DMXL1: variants seen among roughly 807,000 people sequenced by gnomAD.
DMXL1 encodes dmX-like protein 1.
A neutral mutation model predicts 319.2 loss-of-function variants in DMXL1; 99 were observed. The observed-to-expected ratio is 0.31, with a 90% CI of 0.26 to 0.37. The LOEUF (loss-of-function observed/expected upper bound fraction) is 0.37. DMXL1 is among the 10% of genes least tolerant of loss of function. DMXL1 has a pLI of 1.00. For missense variants in DMXL1, 3,745 were observed against 3,595.6 expected (o/e 1.04, Z -1.06); for synonymous variants, 1,385 against 1,235.2 (o/e 1.12, Z -2.54).
At chr5:119,093,473 G>T (rs1755251394) in intron 1 of DMXL1, among the ~76,000 whole-genome samples, 2 of 152,120 alleles carry the variant, frequency 1.3e-5, no homozygotes, top group African/African-American at 4.8e-5. Flanking sequence ...ATGATGATCA[G>T]TGATCTTTGT....
At chr5:119,137,202 T>G (rs550287670) in intron 13 of DMXL1, among the ~76,000 whole-genome samples, 54 of 152,352 alleles carry the variant, frequency 3.5e-4, no homozygotes, top group African/African-American at 1.3e-3. Flanking sequence ...ATTTAATGAC[T>G]GCCTGGCCAG....
chr5:119,090,094 C>T (rs959761503), intron 1 of DMXL1, among the ~76,000 whole-genome samples: 19 of 124,602 alleles, frequency 1.5e-4, no homozygotes, highest in African/African-American at 5.6e-4. Flanking sequence ...GATCTCGGCT[C>T]ACTGCAACCT....
At chr5:119,165,902 TATCAGGTAACTAA>T (rs1773341751) in intron 21 of DMXL1, among the ~76,000 whole-genome samples, 1 of 152,154 alleles carries the variant, frequency 6.6e-6, no homozygotes, top group South Asian at 2.1e-4. Context: ...AGCCAAACCA[TATCAGGTAACTAA>T]ACCAGAAACT....
At chr5:119,208,208 G>A (rs1400207766) in intron 34 of DMXL1, among the ~76,000 whole-genome samples, 4 of 149,892 alleles carry the variant, frequency 2.7e-5, no homozygotes. Context: ...ACATTATCAG[G>A]AATTTTTTTT....
chr5:119,206,733 G>A (rs550959407), intron 33 of DMXL1, 101 bp from the exon 34 acceptor site: 46 of 654,096 alleles, frequency 7.0e-5, no homozygotes, highest in Middle Eastern at 8.0e-4. Flanking sequence ...TTCTTTTCTA[G>A]TAAATTTGGT....
chr5:119,233,781 T>C (rs1340035989), intron 39 of DMXL1, among the ~76,000 whole-genome samples: 1 of 152,154 alleles, frequency 6.6e-6, no homozygotes, highest in East Asian at 1.9e-4. Context: ...CAGTGTGTGA[T>C]CCAGCAGCAA....
chr5:119,196,560 T>C (rs1779677395), intron 31 of DMXL1, 104 bp downstream of exon 31: 2 of 764,000 alleles, frequency 2.6e-6, no homozygotes, highest in Non-Finnish European at 4.4e-6. Flanking sequence ...GAAAATTTAG[T>C]GATTTCCTGT....
intron 31 of DMXL1, 126 bp from the exon 32 acceptor site, chr5:119,197,629 A>T: frequency 1.2e-6 from 1 of 850,268 alleles, no homozygotes; most frequent in Non-Finnish European, 1.8e-6. Context: ...AGTGTATGTT[A>T]ATATTTCATC....
At chr5:119,181,605 T>C (rs1776781409) in intron 28 of DMXL1, among the ~76,000 whole-genome samples, 1 of 152,160 alleles carries the variant, frequency 6.6e-6, no homozygotes, top group African/African-American at 2.4e-5. Flanking sequence ...GCAGATCACC[T>C]GAGGTCAGGA....
At position 119,146,833 on chromosome 5, in the gene DMXL1, A is replaced by G. The variant is rs749086128; in HGVS notation, c.2570-4A>G. ...ACAGTGAAAAATATCATTAATACCA[A>G]CAGGCAGCTCACCTAATGGATTTTC... On this transcript the variant is annotated splice_polypyrimidine_tract_variant and splice_region_variant and intron_variant, in intron 15 of 43. Coordinates refer to ENST00000539542, the MANE Select transcript of DMXL1 (RefSeq NM_001290321.3). 1.2e-6 allele frequency: 2 copies of G among 1,608,750 alleles called. No individual in the cohort carries two copies. Among genetic ancestry groups the G allele is most frequent in the Admixed American group, 1.7e-5 (1 of 59,128 alleles).
intron 35 of DMXL1, among the ~76,000 whole-genome samples, chr5:119,218,315 G>A (rs1471586387): frequency 6.6e-6 from 1 of 151,856 alleles, no homozygotes; most frequent in Non-Finnish European, 1.5e-5. Flanking sequence ...TCTTCTTGAG[G>A]GTTTATATAT....
chr5:119,208,036 G>T (rs1694733689), intron 34 of DMXL1, among the ~76,000 whole-genome samples: 4 of 151,900 alleles, frequency 2.6e-5, no homozygotes, highest in Admixed American at 2.6e-4. Context: ...TTGATATCAG[G>T]TGTATATTAT....
chr5:119,166,869 C>A, intron 22 of DMXL1, 88 bp downstream of exon 22: 1 of 1,089,708 alleles, frequency 9.2e-7, no homozygotes, highest in Non-Finnish European at 1.3e-6. Flanking sequence ...TTAAATTCAA[C>A]TTTATTGGAA....
intron 18 of DMXL1, among the ~76,000 whole-genome samples, chr5:119,151,717 C>T (rs967779866): frequency 6.6e-6 from 1 of 152,126 alleles, no homozygotes; most frequent in Non-Finnish European, 1.5e-5. Flanking sequence ...TAAAGAGTAT[C>T]AGATTCTCTT....
chr5:119,110,323 G>T lies in DMXL1; in HGVS notation c.497+40G>T, dbSNP rs772567479. The T allele has an allele frequency of 4.1e-6, 6 of 1,465,892 alleles. No individual in the cohort carries two copies. In the African/African-American group the frequency reaches 8.8e-5, roughly 22 times the overall value. The allele number at this position is 1,465,892 out of a possible 1,614,324, so 90.8% of individuals were successfully genotyped here. On this transcript the variant is annotated intron_variant, in intron 5 of 43. Coordinates refer to ENST00000539542, the MANE Select transcript of DMXL1 (RefSeq NM_001290321.3). ...AGGGGAGTAAACTGATAAACCTGTT[G>T]TTCTATGTGGTTTTATTATAAATGT...
Position 119,178,099 on chromosome 5 carries a change from C to G in DMXL1, c.6990C>G (p.Leu2330=), listed in dbSNP as rs1776146173. 1.9e-6 allele frequency: 3 copies of G among 1,614,038 alleles called. No homozygotes were observed. In the African/African-American group the frequency reaches 4.0e-5, roughly 22 times the overall value. ...TTCTCACAGCAGTGTATCTTAGTCTCTTCATCCATGGCCTGGCCACACATT... is the reference window on the plus strand; with the variant it reads ...TTCTCACAGCAGTGTATCTTAGTCTGTTCATCCATGGCCTGGCCACACATT... ...CEILTAVYLS[L]FIHGLATHSS... is the part of the protein sequence containing the mutation. The change falls in exon 28 of 44, where the codon CTC becomes CTG. Residue 2330 remains leucine (L), a synonymous_variant. Coordinates refer to ENST00000539542, the MANE Select transcript of DMXL1 (RefSeq NM_001290321.3).
At chr5:119,114,737 C>T (rs920044547) in intron 6 of DMXL1, among the ~76,000 whole-genome samples, 196 bp downstream of exon 6, 20 of 152,140 alleles carry the variant, frequency 1.3e-4, no homozygotes, top group African/African-American at 3.6e-4. Context: ...GGCACGATCT[C>T]GGCTCACTGC....
chr5:119,134,907 G>A (rs943062073), intron 13 of DMXL1, among the ~76,000 whole-genome samples: 3 of 152,182 alleles, frequency 2.0e-5, no homozygotes, highest in Non-Finnish European at 2.9e-5. Context: ...ACAAGCAAGC[G>A]TTTCCACTTT....
intron 29 of DMXL1, among the ~76,000 whole-genome samples, chr5:119,191,401 G>A (rs898536501): frequency 6.6e-6 from 1 of 152,194 alleles, no homozygotes; most frequent in African/African-American, 2.4e-5. Flanking sequence ...ATGTTTAAGG[G>A]TAGTGAAGGG....
Sources: gnomAD v4.1 joint callset for allele counts (sites outside exome capture counted in the v4.1 genomes callset) on GRCh38, gnomAD v4.1.1 for gene constraint, MANE v1.5 for transcripts, NCBI Gene and HGNC (gene_info 2026-07-23, HGNC 2026-07-21) for gene names.